The following EYS variants were observed in gnomAD, a reference collection of about 807,000 sequenced individuals.
EYS encodes EGF-like photoreceptor maintenance factor, also known as protein eyes shut homolog.
A neutral mutation model predicts 282.1 loss-of-function variants in EYS; 250 were observed. That is an observed-to-expected ratio of 0.89 (90% CI 0.80 to 0.98). The LOEUF (loss-of-function observed/expected upper bound fraction) is 0.98. EYS is among the 50% of genes least tolerant of loss of function. EYS has a pLI of 0.00. For synonymous variants in EYS, 1,355 were observed against 1,282.9 expected (o/e 1.06, Z -1.20); for missense variants, 4,016 against 3,709.0 (o/e 1.08, Z -2.15).
chr6:65,402,467 A>T lies in EYS; in HGVS notation c.1184+11T>A. On this transcript the variant is annotated intron_variant, in intron 7 of 42. Transcript: ENST00000503581. ...ACTTTGTATTAAAAATAAACAGAAA[A>T]TTAATTATACCTGCAAGGATAATCT... 6.8e-7 allele frequency: 1 copy of T among 1,469,606 alleles called. No individual in the cohort carries two copies. The highest frequency in any genetic ancestry group is 2.3e-5 in the East Asian group (1 of 43,842). The allele number at this position is 1,469,606 out of a possible 1,614,324, so 91.0% of individuals were successfully genotyped here. A position where few individuals can be genotyped will look rare whatever the true frequency, so the allele number is the denominator to read the frequency against.
chr6:65,276,059 G>A (rs142127470), intron 12 of EYS, among the ~76,000 whole-genome samples: 26 of 152,236 alleles, frequency 1.7e-4, no homozygotes, highest in East Asian at 1.2e-3. Context: ...TTGGGCCCAT[G>A]CTCATAGATT....
intron 5 of EYS, among the ~76,000 whole-genome samples, chr6:65,409,006 G>A (rs1280792691): frequency 2.0e-5 from 3 of 152,204 alleles, no homozygotes; most frequent in Admixed American, 1.3e-4. Flanking sequence ...TTCCAGATAT[G>A]TGAAGATTTC....
At chr6:65,137,518 A>T (rs1317248111) in intron 12 of EYS, among the ~76,000 whole-genome samples, 2 of 152,126 alleles carry the variant, frequency 1.3e-5, no homozygotes, top group Non-Finnish European at 2.9e-5. Context: ...ATCAGGGAGA[A>T]GATCAGATTT....
intron 16 of EYS, among the ~76,000 whole-genome samples, chr6:64,904,562 T>A (rs2150072741): frequency 6.6e-6 from 1 of 152,330 alleles, no homozygotes; most frequent in South Asian, 2.1e-4. Flanking sequence ...AGGTTAGATT[T>A]TTCACAAGTT....
intron 35 of EYS, among the ~76,000 whole-genome samples, chr6:63,907,874 C>A (rs998207769): frequency 2.6e-5 from 4 of 151,622 alleles, no homozygotes; most frequent in African/African-American, 9.7e-5. Context: ...GTAATATTTG[C>A]CTTTTGTTTG....
At chr6:64,147,802 T>G (rs973751010) in intron 31 of EYS, among the ~76,000 whole-genome samples, 3 of 152,194 alleles carry the variant, frequency 2.0e-5, no homozygotes, top group African/African-American at 7.2e-5. Flanking sequence ...GAAGCATGTG[T>G]TTCTGCGGAG....
chr6:64,147,232 T>C (rs764875046), intron 31 of EYS, among the ~76,000 whole-genome samples: 4 of 152,104 alleles, frequency 2.6e-5, no homozygotes, highest in Non-Finnish European at 4.4e-5. Flanking sequence ...GAAAAGGAGA[T>C]GGTAGAAAAG....
intron 41 of EYS, among the ~76,000 whole-genome samples, chr6:63,728,414 G>A (rs1400649925): frequency 6.6e-6 from 1 of 151,700 alleles, no homozygotes; most frequent in Non-Finnish European, 1.5e-5. Flanking sequence ...ATTTTTAAAA[G>A]TACACTTTAT....
At chr6:63,919,258 T>G (rs958837201) in intron 35 of EYS, among the ~76,000 whole-genome samples, 1 of 146,714 alleles carries the variant, frequency 6.8e-6, no homozygotes, top group Non-Finnish European at 1.5e-5. Flanking sequence ...GAGAGAAGTG[T>G]GTGTGTGAGG....
intron 18 of EYS, among the ~76,000 whole-genome samples, chr6:64,896,481 T>G (rs929724539): frequency 2.6e-5 from 4 of 151,960 alleles, no homozygotes; most frequent in African/African-American, 9.7e-5. Context: ...ACAAGGGCAC[T>G]GGGTTTCAAG....
intron 41 of EYS, among the ~76,000 whole-genome samples, chr6:63,736,528 C>T (rs1768917650): frequency 6.6e-6 from 1 of 152,104 alleles, no homozygotes; most frequent in Admixed American, 6.6e-5. Context: ...CGTGATGCCT[C>T]CAGCTTTGTT....
intron 22 of EYS, among the ~76,000 whole-genome samples, chr6:64,746,066 T>C (rs1772546847): frequency 6.6e-6 from 1 of 152,132 alleles, no homozygotes; most frequent in Non-Finnish European, 1.5e-5. Flanking sequence ...GAAGTATTGC[T>C]GTGGTTTGAC....
At chr6:64,294,241 T>C (rs936531741) in intron 30 of EYS, among the ~76,000 whole-genome samples, 1 of 152,216 alleles carries the variant, frequency 6.6e-6, no homozygotes. Context: ...TCAGTTTCTC[T>C]GTCAATGCTA....
chr6:65,180,519 AAGG>A lies in EYS; in HGVS notation c.2023+115341_2023+115343del, dbSNP rs1228593707. 3.3e-5 allele frequency among the ~76,000 whole-genome samples: 5 copies of A among 152,242 alleles called. No homozygotes were observed. In the East Asian group the frequency reaches 9.7e-4, roughly 30 times the overall value. ...TACAAGGGACGTGAAGGACCTCTTCAAGGAGAACTACAAACCACTGCTCAACGA... is the reference window on the plus strand; with the variant it reads ...TACAAGGGACGTGAAGGACCTCTTCAAGAACTACAAACCACTGCTCAACGA... On this transcript the variant is annotated intron_variant, in intron 12 of 42. Coordinates refer to ENST00000503581, the MANE Select transcript of EYS (RefSeq NM_001142800.2).
At chr6:63,983,961 C>T (rs920118490) in intron 35 of EYS, among the ~76,000 whole-genome samples, 1 of 151,392 alleles carries the variant, frequency 6.6e-6, no homozygotes, top group African/African-American at 2.4e-5. Flanking sequence ...CTAACCTTAG[C>T]AATCTAAGCA....
At chr6:64,196,114 A>G (rs1384614369) in intron 31 of EYS, among the ~76,000 whole-genome samples, 1 of 152,250 alleles carries the variant, frequency 6.6e-6, no homozygotes, top group African/African-American at 2.4e-5. Context: ...AAAAGAAGAC[A>G]TTTATGCAGC....
At chr6:64,354,050 G>A (rs1771737915) in intron 29 of EYS, among the ~76,000 whole-genome samples, 1 of 151,562 alleles carries the variant, frequency 6.6e-6, no homozygotes, top group Non-Finnish European at 1.5e-5. Flanking sequence ...GCAGAAAACA[G>A]TCACTTGAAA....
At chr6:64,662,392 A>G (rs1355526514) in intron 22 of EYS, among the ~76,000 whole-genome samples, 1 of 152,146 alleles carries the variant, frequency 6.6e-6, no homozygotes, top group Non-Finnish European at 1.5e-5. Context: ...ATAAAAAAAG[A>G]TTATCATTTA....
At chr6:64,166,427 T>A (rs988604856) in intron 31 of EYS, among the ~76,000 whole-genome samples, 1 of 152,150 alleles carries the variant, frequency 6.6e-6, no homozygotes, top group African/African-American at 2.4e-5. Flanking sequence ...ACACATTTAA[T>A]CAAATACAGC....
Sources: allele counts gnomAD v4.1 joint callset (sites outside exome capture counted in the v4.1 genomes callset), GRCh38; gene constraint gnomAD v4.1.1; transcripts MANE v1.5; gene names NCBI Gene and HGNC (gene_info 2026-07-23, HGNC 2026-07-21).